SS18L1: variants seen among roughly 807,000 people sequenced by gnomAD.
SS18L1 encodes the protein calcium-responsive transactivator.
Under a neutral mutation model 70.3 loss-of-function variants are expected in SS18L1, and 32 were observed. The observed-to-expected ratio is 0.46, with a 90% CI of 0.34 to 0.61. The LOEUF (loss-of-function observed/expected upper bound fraction) is 0.61. Ranked by LOEUF, SS18L1 falls within the 20% of genes least tolerant of loss-of-function variation. SS18L1 has a pLI of 0.01. For synonymous variants in SS18L1, 237 were observed against 229.7 expected, an observed-to-expected ratio of 1.03 and a Z score of -0.29; for missense variants, 430 against 542.1, an observed-to-expected ratio of 0.79 and a Z score of 2.05.
intron 1 of SS18L1, 45 bp downstream of exon 1, chr20:62,143,934 C>CGGGCGCGCGCGGGGACG (rs1022534547): frequency 2.2e-5 from 22 of 986,854 alleles, no homozygotes; most frequent in Admixed American, 6.3e-5. Context: ...GGTCTGCGGG[C>CGGGCGCGCGCGGGGACG]GGGCGCGCGC....
intron 1 of SS18L1, among the ~76,000 whole-genome samples, chr20:62,144,841 CCTAAACTCTGA>C (rs1337178495): frequency 6.6e-6 from 1 of 152,038 alleles, no homozygotes; most frequent in Non-Finnish European, 1.5e-5. Flanking sequence ...GGTTTTTTTT[CCTAAACTCTGA>C]CTCCGTCTTC....
chr20:62,179,431 T>TC lies in SS18L1; in HGVS notation c.*223_*224insC. 1.7e-6 allele frequency: 1 copy of TC among 587,644 alleles called. No homozygotes were observed. The highest frequency in any genetic ancestry group is 3.1e-6 in the Non-Finnish European group (1 of 327,770). The allele number at this position is 587,644 out of a possible 1,614,324, so 36.4% of individuals were successfully genotyped here. On this transcript the variant is annotated 3_prime_UTR_variant, in exon 11 of 11. Coordinates refer to ENST00000331758, the MANE Select transcript of SS18L1 (RefSeq NM_198935.3). ...GATACTTTTGGTGCTGTGTATAGTA[T>TC]TGTATGTCGGTACACGGAGAGGTAT...
chr20:62,169,988 G>C (rs370156182), intron 8 of SS18L1, among the ~76,000 whole-genome samples: 1 of 152,200 alleles, frequency 6.6e-6, no homozygotes, highest in African/African-American at 2.4e-5. Context: ...ATCTTCCCTG[G>C]GCAGTGCTGG....
Position 62,158,498 on chromosome 20 carries a change from C to T in SS18L1, c.70-174C>T, listed in dbSNP as rs1164289940. Among the ~76,000 whole-genome samples the T allele has an allele frequency of 6.6e-6, 1 of 152,100 alleles. No homozygotes were observed. The highest frequency in any genetic ancestry group is 1.5e-5 in the Non-Finnish European group (1 of 68,014). ...TTTCGGGTTTTCGGATTAGGGATGC[C>T]AAACCGGTGGGTCTAATACAGATAT... On this transcript the variant is annotated intron_variant, in intron 1 of 10. Coordinates refer to ENST00000331758, the MANE Select transcript of SS18L1 (RefSeq NM_198935.3). This position sits in a 1 kb window ranked among gnomAD's most constrained non-coding sequence, Gnocchi z 4.5.
Position 62,163,773 on chromosome 20 carries a change from GTGGACCCT to G in SS18L1, c.721+152_721+159del, listed in dbSNP as rs920972954. The G allele has an allele frequency of 6.8e-6, 8 of 1,174,344 alleles. No individual in the cohort carries two copies. In the African/African-American group the frequency reaches 1.1e-4, roughly 16 times the overall value. 72.7% of individuals were successfully genotyped at this position (1,174,344 alleles called of 1,614,324 possible). ...TGGCGCCTTGGTGTTAACATTGAGT[GTGGACCCT>G]GGGGGTGAGGGCCAGGGTGTGGCCC... On this transcript the variant is annotated intron_variant, in intron 6 of 10. Transcript: ENST00000331758.
At chr20:62,178,141 C>CTTTTTTT (rs61157167) in intron 10 of SS18L1, among the ~76,000 whole-genome samples, 17 of 97,814 alleles carry the variant, frequency 1.7e-4, no homozygotes, top group Non-Finnish European at 2.5e-4. Flanking sequence ...GTGGCTTATT[C>CTTTTTTT]TTTTTTTTTT....
At chr20:62,166,012 T>C (rs2057423450) in intron 8 of SS18L1, among the ~76,000 whole-genome samples, 1 of 152,190 alleles carries the variant, frequency 6.6e-6, no homozygotes, top group Non-Finnish European at 1.5e-5. Flanking sequence ...CCGCCCTTCA[T>C]GGCGGTCCTG....
chr20:62,162,330 C>T (rs1439774857), intron 4 of SS18L1, among the ~76,000 whole-genome samples: 2 of 151,984 alleles, frequency 1.3e-5, no homozygotes, highest in African/African-American at 2.4e-5. Context: ...GACAGAGTCT[C>T]GCTCTAGTCG....
chr20:62,148,221 G>A (rs559131984), intron 1 of SS18L1, among the ~76,000 whole-genome samples: 1 of 152,364 alleles, frequency 6.6e-6, no homozygotes, highest in South Asian at 2.1e-4. Context: ...CACCGGCCTT[G>A]CTCGGCCTCC....
rs1028575820 is a variant in SS18L1 at position 62,174,972 on chromosome 20, C to T, written c.1164+328C>T. 2.3e-5 allele frequency: 21 copies of T among 926,400 alleles called. No individual in the cohort carries two copies. In the Middle Eastern group the frequency reaches 2.2e-3, roughly 97 times the overall value. The allele number at this position is 926,400 out of a possible 1,614,324, so 57.4% of individuals were successfully genotyped here. Reference sequence around the variant, plus strand: ...GAGTGCTTGGTGTGTGGCCGCGACACGAACCCTGCACTTTTAGAGCTTATG... The same window carrying T: ...GAGTGCTTGGTGTGTGGCCGCGACATGAACCCTGCACTTTTAGAGCTTATG... On this transcript the variant is annotated intron_variant, in intron 10 of 10. Coordinates refer to ENST00000331758, the MANE Select transcript of SS18L1 (RefSeq NM_198935.3). This position sits in a 1 kb window ranked among gnomAD's most constrained non-coding sequence, Gnocchi z 4.1.
chr20:62,146,666 G>T (rs1483129240), intron 1 of SS18L1, among the ~76,000 whole-genome samples: 2 of 131,802 alleles, frequency 1.5e-5, no homozygotes, highest in African/African-American at 5.8e-5. Flanking sequence ...CTAGAGTGCA[G>T]TGGCGCGATC....
chr20:62,159,937 G>A lies in SS18L1; in HGVS notation c.207G>A (p.Gln69=). 6.2e-7 allele frequency: 1 copy of A among 1,612,332 alleles called. No individual in the cohort carries two copies. The highest frequency in any genetic ancestry group is 2.2e-5 in the East Asian group (1 of 44,826). ...TGGCCACGATCGCAGACTCCAACCA[G>A]AACATGCAGTCCCTGCTTCCTGCCG... ...VYLATIADSN[Q]NMQSLLPAPP... Residue 69 remains glutamine, a synonymous_variant, in exon 3 of 11, where the codon CAG becomes CAA. Transcript: ENST00000331758. This position sits in a 1 kb window ranked among gnomAD's most constrained non-coding sequence, Gnocchi z 4.4.
At chr20:62,154,415 C>T (rs1246813268) in intron 1 of SS18L1, 18 of 1,044,246 alleles carry the variant, frequency 1.7e-5, no homozygotes, top group Admixed American at 5.5e-5. Context: ...AGAATTTCTA[C>T]GCAGAAGTCT....
intron 10 of SS18L1, among the ~76,000 whole-genome samples, chr20:62,177,251 A>G (rs535519160): frequency 5.3e-5 from 8 of 151,722 alleles, no homozygotes; most frequent in Admixed American, 4.6e-4. Context: ...GTATTCCAGC[A>G]TGGGCAACAA....
chr20:62,146,605 A>ATTCTTTTTTT (rs2057031800), intron 1 of SS18L1, among the ~76,000 whole-genome samples: 1 of 79,714 alleles, frequency 1.3e-5, no homozygotes, highest in Non-Finnish European at 2.2e-5. Flanking sequence ...TGCTTTGATC[A>ATTCTTTTTTT]TTTTTTTTTT....
In SS18L1 at chr20:62,174,685, G is replaced by A. The variant is rs772092223; in HGVS notation, c.1164+41G>A. ...GTTTCCAGATGTGCCCATCCGCCGC[G>A]CCTGTCGAGACATAATGAAGATTTC... On this transcript the variant is annotated intron_variant, in intron 10 of 10. Transcript: ENST00000331758. The surrounding 1 kb of genome is among the most constrained non-coding windows in gnomAD (Gnocchi z 4.1). The A allele has an allele frequency of 2.2e-5, 36 of 1,612,780 alleles. No individual in the cohort carries two copies. The highest frequency in any genetic ancestry group is 7.7e-5 in the South Asian group (7 of 90,990).
chr20:62,172,702 C>T lies in SS18L1; in HGVS notation c.937C>T (p.Gln313Ter). The T allele has an allele frequency of 6.2e-7, 1 of 1,614,156 alleles. No individual in the cohort carries two copies. Among genetic ancestry groups the T allele is most frequent in the Non-Finnish European group, 8.5e-7 (1 of 1,180,036 alleles). The stretch of plus-strand genomic sequence containing the variant: ...TCCAGGAAACTCCCAGTACAGCCAG[C>T]AGCAGGCCGGGTACCAGCAGGGTGC... Reference protein sequence around the residue: ...YEGGNSQYSQQQAGYQQGAAQ... With the variant: ...YEGGNSQYSQ The change falls in exon 9 of 11, where the codon CAG becomes TAG. Residue 313 changes from glutamine (Q) to a stop codon, truncating the protein, a stop_gained. Transcript: ENST00000331758. LOFTEE classifies it high-confidence loss of function.
chr20:62,170,840 A>C (rs2057518859), intron 8 of SS18L1, among the ~76,000 whole-genome samples: 1 of 151,042 alleles, frequency 6.6e-6, no homozygotes, highest in South Asian at 2.1e-4. Flanking sequence ...GTTGTTGCAT[A>C]CCTGCTGGGT....
In SS18L1 at chr20:62,174,876, C is replaced by T; in HGVS notation, c.1164+232C>T. Reference sequence around the variant, plus strand: ...TACCCTAAGCTCACCGTTAGATCTGCACGCCTGGTTCTCACATTCATTCAC... The same window carrying T: ...TACCCTAAGCTCACCGTTAGATCTGTACGCCTGGTTCTCACATTCATTCAC... On this transcript the variant is annotated intron_variant, in intron 10 of 10. Coordinates refer to ENST00000331758, the MANE Select transcript of SS18L1 (RefSeq NM_198935.3). The surrounding 1 kb of genome is among the most constrained non-coding windows in gnomAD (Gnocchi z 4.1). 7.1e-7 allele frequency: 1 copy of T among 1,418,284 alleles called. No homozygotes were observed. Among genetic ancestry groups the T allele is most frequent in the Non-Finnish European group, 9.2e-7 (1 of 1,082,608 alleles). The allele number at this position is 1,418,284 out of a possible 1,614,324, so 87.9% of individuals were successfully genotyped here. A position where few individuals can be genotyped will look rare whatever the true frequency, so the allele number is the denominator to read the frequency against.
Sources: allele counts gnomAD v4.1 joint callset (sites outside exome capture counted in the v4.1 genomes callset), GRCh38; gene constraint gnomAD v4.1.1; non-coding constraint Gnocchi (gnomAD v3.1); transcripts MANE v1.5; gene names NCBI Gene and HGNC (gene_info 2026-07-23, HGNC 2026-07-21).